The following NUBPL variants were observed in gnomAD, a reference collection of about 807,000 sequenced individuals.
NUBPL encodes the protein NUBP iron-sulfur cluster assembly factor, mitochondrial, also known as iron-sulfur cluster transfer protein NUBPL.
Under a neutral mutation model 45.7 loss-of-function variants are expected in NUBPL, and 31 were observed. That is an observed-to-expected ratio of 0.68 (90% CI 0.51 to 0.92). NUBPL has a LOEUF of 0.92. NUBPL is among the 40% of genes least tolerant of loss of function. NUBPL has a pLI of 0.00. For missense variants in NUBPL, 401 were observed against 398.7 expected (o/e 1.01, Z -0.05); for synonymous variants, 144 against 140.9 (o/e 1.02, Z -0.15).
chr14:31,798,366 G>A (rs1414824618), intron 7 of NUBPL, among the ~76,000 whole-genome samples: 2 of 131,142 alleles, frequency 1.5e-5, no homozygotes, highest in African/African-American at 2.8e-5. Flanking sequence ...ATGCCTTTTA[G>A]TATTCCCTTT....
At chr14:31,771,996 G>A in intron 6 of NUBPL, 2 of 489,638 alleles carry the variant, frequency 4.1e-6, no homozygotes, top group Non-Finnish European at 5.3e-6. Flanking sequence ...ACTGAACAGT[G>A]TCTGTAGATA....
chr14:31,654,278 A>G (rs1229968828), intron 4 of NUBPL: 19 of 261,888 alleles, frequency 7.3e-5, no homozygotes, highest in East Asian at 3.3e-4. Context: ...TAAAAATGCT[A>G]ATGATCATTA....
intron 6 of NUBPL, among the ~76,000 whole-genome samples, chr14:31,692,536 A>G (rs2037116973): frequency 6.6e-6 from 1 of 152,188 alleles, no homozygotes; most frequent in African/African-American, 2.4e-5. Flanking sequence ...AGTATCCCCA[A>G]ATGTGAAGCA....
intron 6 of NUBPL, among the ~76,000 whole-genome samples, chr14:31,696,224 A>C (rs1477729659): frequency 6.6e-6 from 1 of 152,190 alleles, no homozygotes; most frequent in African/African-American, 2.4e-5. Context: ...GCTAGATTAT[A>C]TTCTGCTCTA....
chr14:31,636,813 T>C (rs1272771137), intron 4 of NUBPL, among the ~76,000 whole-genome samples: 1 of 152,196 alleles, frequency 6.6e-6, no homozygotes, highest in Non-Finnish European at 1.5e-5. Flanking sequence ...CCTGGTTTAG[T>C]CTTGGGAGAG....
rs1294898853 is a variant in NUBPL, at chr14:31,793,830, TTTTTTTTTTTA to T, written c.607+5968_607+5978del. The stretch of plus-strand genomic sequence containing the variant: ...AGGATTTGTGCCCCCTTATCTTTCT[TTTTTTTTTTTA>T]TTTTTTTTTTTATTTTTTCCCAATG... On this transcript the variant is annotated intron_variant, in intron 7 of 10. Coordinates refer to ENST00000281081, the MANE Select transcript of NUBPL (RefSeq NM_025152.3). 1.1e-4 allele frequency among the ~76,000 whole-genome samples: 15 copies of T among 131,700 alleles called. No homozygotes were observed. The South Asian group carries it at 2.4e-3, about 21-fold the overall frequency. 86.4% of individuals were successfully genotyped at this position (131,700 alleles called of 152,430 possible).
intron 4 of NUBPL, among the ~76,000 whole-genome samples, chr14:31,605,518 A>T (rs554603724): frequency 4.6e-5 from 7 of 152,180 alleles, no homozygotes; most frequent in Admixed American, 6.5e-5. Context: ...CTATTGTGGG[A>T]TAGTAATTTT....
Position 31,764,778 on chromosome 14 carries a change from AGT to A in NUBPL, c.514-23001_514-23000del, listed in dbSNP as rs200393080. Among the ~76,000 whole-genome samples, 1,181 of 152,284 alleles carry A rather than the reference AGT, an allele frequency of 7.8e-3. 6 individuals carry two copies. Among genetic ancestry groups the A allele is most frequent in the Middle Eastern group, 0.024 (7 of 294 alleles). ...ATTTCTTTACAATTTAGTGATCTTA[AGT>A]TTCTTAGATGTCCTTTAGGTATTTC... On this transcript the variant is annotated intron_variant, in intron 6 of 10. Coordinates refer to ENST00000281081, the MANE Select transcript of NUBPL (RefSeq NM_025152.3).
intron 4 of NUBPL, among the ~76,000 whole-genome samples, chr14:31,672,381 G>A (rs1034886547): frequency 1.3e-5 from 2 of 151,868 alleles, no homozygotes. Context: ...ATGTATCTTT[G>A]TATATGAATA....
chr14:31,712,931 G>A (rs976642371), intron 6 of NUBPL, among the ~76,000 whole-genome samples: 2 of 152,080 alleles, frequency 1.3e-5, no homozygotes, highest in African/African-American at 2.4e-5. Flanking sequence ...TAAGGAAGAG[G>A]AACTGGTTAA....
chr14:31,708,758 G>A (rs529390020), intron 6 of NUBPL, among the ~76,000 whole-genome samples: 61 of 152,302 alleles, frequency 4.0e-4, no homozygotes, highest in Middle Eastern at 3.4e-3. Flanking sequence ...ATGAGCTGGC[G>A]CTTGTTCCGG....
chr14:31,750,809 A>G (rs1180373708), intron 6 of NUBPL, among the ~76,000 whole-genome samples: 1 of 152,148 alleles, frequency 6.6e-6, no homozygotes, highest in East Asian at 1.9e-4. Context: ...TGTAATCAGC[A>G]TGTATTAGTC....
intron 6 of NUBPL, among the ~76,000 whole-genome samples, chr14:31,756,308 G>A (rs999721832): frequency 5.9e-5 from 9 of 152,080 alleles, no homozygotes; most frequent in Non-Finnish European, 8.8e-5. Flanking sequence ...TCATTTTCAC[G>A]ATATTGATTC....
intron 6 of NUBPL, among the ~76,000 whole-genome samples, chr14:31,767,307 A>G (rs1010580875): frequency 6.6e-6 from 1 of 152,044 alleles, no homozygotes; most frequent in African/African-American, 2.4e-5. Context: ...GGTTCAAGCC[A>G]TTCTCCTGCC....
At chr14:31,728,440 A>G (rs2037974663) in intron 6 of NUBPL, among the ~76,000 whole-genome samples, 1 of 152,066 alleles carries the variant, frequency 6.6e-6, no homozygotes, top group Non-Finnish European at 1.5e-5. Context: ...GGCCATGTAA[A>G]ATTTTTGATA....
At position 31,648,693 on chromosome 14, in the gene NUBPL, C is replaced by T. The variant is rs1350230609; in HGVS notation, c.383-24662C>T. Among the ~76,000 whole-genome samples, 8 of 152,084 alleles carry T rather than the reference C, an allele frequency of 5.3e-5. 1 individual carries two copies. Among genetic ancestry groups the T allele is most frequent in the Admixed American group, 1.3e-4 (2 of 15,276 alleles). On this transcript the variant is annotated intron_variant, in intron 4 of 10. Coordinates refer to ENST00000281081, the MANE Select transcript of NUBPL (RefSeq NM_025152.3). ...AACTATGATCACATTTGGTTGTGAA[C>T]GAAGGAAAACCCAATGAAATAGTAG...
At chr14:31,767,856 A>G (rs1595603499) in intron 6 of NUBPL, among the ~76,000 whole-genome samples, 1 of 152,314 alleles carries the variant, frequency 6.6e-6, no homozygotes, top group East Asian at 1.9e-4. Context: ...CAGCCTGGGC[A>G]AGAGTGAGAA....
At chr14:31,577,702 G>A (rs1185676407) in intron 3 of NUBPL, among the ~76,000 whole-genome samples, 5 of 152,146 alleles carry the variant, frequency 3.3e-5, no homozygotes, top group East Asian at 3.8e-4. Context: ...ATGGGCCACC[G>A]CACCTGGCTG....
intron 6 of NUBPL, among the ~76,000 whole-genome samples, chr14:31,685,532 C>T (rs1388945388): frequency 2.0e-5 from 3 of 151,406 alleles, no homozygotes; most frequent in African/African-American, 7.3e-5. Flanking sequence ...AAGAGGACAG[C>T]CATACCTTTT....
Sources: allele counts gnomAD v4.1 joint callset (sites outside exome capture counted in the v4.1 genomes callset), GRCh38; gene constraint gnomAD v4.1.1; transcripts MANE v1.5; gene names NCBI Gene and HGNC (gene_info 2026-07-23, HGNC 2026-07-21).